The following CWC15 variants were observed in gnomAD, a reference collection of about 807,000 sequenced individuals.
CWC15 encodes the protein spliceosome-associated protein CWC15 homolog.
Under a neutral mutation model 28.4 loss-of-function variants are expected in CWC15, and 12 were observed. The observed-to-expected ratio is 0.42, with a 90% CI of 0.27 to 0.69. CWC15 has a LOEUF of 0.69. Ranked by LOEUF, CWC15 falls within the 30% of genes least tolerant of loss-of-function variation. CWC15 has a pLI of 0.23. For missense variants in CWC15, 192 were observed against 271.5 expected, an observed-to-expected ratio of 0.71 and a Z score of 2.06; for synonymous variants, 92 against 88.4, an observed-to-expected ratio of 1.04 and a Z score of -0.23.
At chr11:94,964,594 C>T (rs782605304) in intron 6 of CWC15, among the ~76,000 whole-genome samples, 18 of 152,202 alleles carry the variant, frequency 1.2e-4, no homozygotes, top group African/African-American at 1.7e-4. Context: ...TTTTGTCCCT[C>T]CTTCCCAACA....
chr11:94,968,234 T>C (rs1446380272), intron 5 of CWC15, among the ~76,000 whole-genome samples: 3 of 152,202 alleles, frequency 2.0e-5, no homozygotes, highest in Non-Finnish European at 4.4e-5. Context: ...AGAGGCTCCA[T>C]GACCAGCCAG....
At chr11:94,973,103 C>A (rs1208605113) in intron 1 of CWC15, among the ~76,000 whole-genome samples, 9 of 151,306 alleles carry the variant, frequency 5.9e-5, no homozygotes, top group Admixed American at 5.9e-4. Context: ...GACATGTATA[C>A]AAAGAAGAAA....
Position 94,962,686 on chromosome 11 carries a change from G to A in CWC15, c.*699C>T, listed in dbSNP as rs1857584923. 1 of 152,208 alleles carries A rather than the reference G, an allele frequency of 6.6e-6. No individual in the cohort carries two copies. The allele number at this position is 152,208 out of a possible 1,614,324, so 9.4% of individuals were successfully genotyped here. A position where few individuals can be genotyped will look rare whatever the true frequency, so the allele number is the denominator to read the frequency against. On this transcript the variant is annotated 3_prime_UTR_variant, in exon 7 of 7. Coordinates refer to ENST00000279839, the MANE Select transcript of CWC15 (RefSeq NM_016403.4). ...TTCTCAGGCTTTGCACTAAATGCAT[G>A]TCAGGTGCATATTCAATCTCTTTCA... is the stretch of plus-strand genomic sequence containing the variant.
rs587692164 is a variant in CWC15, at chr11:94,972,207, T to C, written c.-8-14A>G. ...TCATCTTTTATGCTTTGAAGAAAAA[T>C]ATAATCAAGTTATTTCCAACATTAC... On this transcript the variant is annotated splice_polypyrimidine_tract_variant and intron_variant, in intron 1 of 6. Coordinates refer to ENST00000279839, the MANE Select transcript of CWC15 (RefSeq NM_016403.4). 6.2e-6 allele frequency: 10 copies of C among 1,608,260 alleles called. No homozygotes were observed. The East Asian group carries it at 2.0e-4, about 32-fold the overall frequency.
chr11:94,963,575 A>G (rs111433207), intron 6 of CWC15, 61 bp from the exon 7 acceptor site: 8 of 1,452,730 alleles, frequency 5.5e-6, no homozygotes, highest in Non-Finnish European at 7.4e-6. Flanking sequence ...CAAGAATACT[A>G]CATGCACTGC....
At chr11:94,970,796 AC>A in intron 4 of CWC15, 180 bp downstream of exon 4, 1 of 592,408 alleles carries the variant, frequency 1.7e-6, no homozygotes, top group East Asian at 2.9e-5. Context: ...TTAAAGTCCC[AC>A]AAAATAATAC....
At chr11:94,970,135 A>T in intron 4 of CWC15, 39 bp from the exon 5 acceptor site, 1 of 1,057,362 alleles carries the variant, frequency 9.5e-7, no homozygotes, top group African/African-American at 1.6e-5. Context: ...TGGAGGGAAA[A>T]TACACACTAC....
In CWC15 at chr11:94,970,023, AT is replaced by A; in HGVS notation, c.406del (p.Ile136LeufsTer29). On this transcript the variant is annotated frameshift_variant, in exon 5 of 7. Transcript: ENST00000279839. LOFTEE classifies it high-confidence loss of function. ...CTGCTCTTCAGCTCTTTCTTTTTTA[AT>A]TTTTTCCAGTTCTGCAAGAAGAGCT... ...TAALLAELEK[I>X]KKERAEEQAR... 6.4e-7 allele frequency: 1 copy of A among 1,570,806 alleles called. No individual in the cohort carries two copies. The highest frequency in any genetic ancestry group is 1.4e-5 in the African/African-American group (1 of 73,926).
At chr11:94,966,944 T>C (rs1332443325) in intron 5 of CWC15, among the ~76,000 whole-genome samples, 2 of 152,178 alleles carry the variant, frequency 1.3e-5, no homozygotes, top group Admixed American at 1.3e-4. Flanking sequence ...AAGTAACTCC[T>C]AAAATAGGAC....
intron 4 of CWC15, 97 bp from the exon 5 acceptor site, chr11:94,970,193 C>T: frequency 4.1e-6 from 2 of 489,250 alleles, no homozygotes; most frequent in Non-Finnish European, 6.7e-6. Flanking sequence ...AAAGTCAAAA[C>T]AATTTTATGT....
chr11:94,971,778 G>A (rs1287443508), intron 2 of CWC15, among the ~76,000 whole-genome samples: 1 of 152,128 alleles, frequency 6.6e-6, no homozygotes, highest in Non-Finnish European at 1.5e-5. Flanking sequence ...GAACTTAACA[G>A]TAATACTTTT....
At chr11:94,970,559 C>CTA (rs1555096016) in intron 4 of CWC15, 1 of 180,740 alleles carries the variant, frequency 5.5e-6, no homozygotes, top group African/African-American at 2.4e-5. Flanking sequence ...ACAGAGGGAA[C>CTA]CATTAAGTGT....
At position 94,963,350 on chromosome 11, in the gene CWC15, G is replaced by A. The variant is rs369058315; in HGVS notation, c.*35C>T. 1.9e-5 allele frequency: 28 copies of A among 1,490,968 alleles called. No individual in the cohort carries two copies. The highest frequency in any genetic ancestry group is 3.5e-4 in the Middle Eastern group (2 of 5,720). 92.4% of individuals were successfully genotyped at this position (1,490,968 alleles called of 1,614,324 possible). On this transcript the variant is annotated 3_prime_UTR_variant, in exon 7 of 7. Coordinates refer to ENST00000279839, the MANE Select transcript of CWC15 (RefSeq NM_016403.4). ...AAAAAAAGTCAGAATGATCCTTTAC[G>A]TTTTACAGTCTTTAATTAAGCACAT...
chr11:94,972,063 T>C lies in CWC15; in HGVS notation c.123A>G (p.Ile41Met). 5 of 1,610,864 alleles carry C rather than the reference T, an allele frequency of 3.1e-6. No homozygotes were observed. Among genetic ancestry groups the C allele is most frequent in the Non-Finnish European group, 4.2e-6 (5 of 1,178,986 alleles). Residue 41 changes from isoleucine to methionine, a missense_variant, in exon 2 of 7, where the codon ATA becomes ATG. By Grantham distance (10) the Ile-to-Met change is conservative. Coordinates refer to ENST00000279839, the MANE Select transcript of CWC15 (RefSeq NM_016403.4). ...AAAGAAAGTCTTACTACCTGTATTTTATCTTTGTATGAGAGGGTAGGTCTC... is the reference window on the plus strand; with the variant it reads ...AAAGAAAGTCTTACTACCTGTATTTCATCTTTGTATGAGAGGGTAGGTCTC... ...SSRDLPSHTK[I>M]KYRQTTQDAP...
chr11:94,970,044 A>C lies in CWC15; in HGVS notation c.386T>G (p.Leu129Arg). The change falls in exon 5 of 7, where the codon CTT becomes CGT. Residue 129 changes from leucine (L) to arginine (R), a missense_variant. Leu to Arg is a moderately radical substitution (Grantham distance 102). Around this residue, in one of 2 missense-constraint regions of CWC15, gnomAD observed 188 missense variants for 250.3 expected, o/e 0.75. Transcript: ENST00000279839. ...TTTAATTTTTTCCAGTTCTGCAAGAAGAGCTGCAGTATCATCATCATCACT... is the reference window on the plus strand; with the variant it reads ...TTTAATTTTTTCCAGTTCTGCAAGACGAGCTGCAGTATCATCATCATCACT... ...EESDDDDTAA[L>R]LAELEKIKKE... The C allele has an allele frequency of 6.3e-7, 1 of 1,576,250 alleles. No individual in the cohort carries two copies. Among genetic ancestry groups the C allele is most frequent in the Non-Finnish European group, 8.6e-7 (1 of 1,159,932 alleles).
intron 5 of CWC15, among the ~76,000 whole-genome samples, chr11:94,969,610 CTGAT>C (rs1216646946): frequency 2.6e-5 from 4 of 152,176 alleles, no homozygotes; most frequent in African/African-American, 9.7e-5. Context: ...TATCTACTGA[CTGAT>C]TGCCTTAATA....
At chr11:94,967,051 CTT>C (rs55894842) in intron 5 of CWC15, among the ~76,000 whole-genome samples, 3 of 142,974 alleles carry the variant, frequency 2.1e-5, no homozygotes, top group Non-Finnish European at 1.5e-5. Flanking sequence ...CTGAGTTTTT[CTT>C]TTTTTTTTTT....
chr11:94,964,888 C>T lies in CWC15; in HGVS notation c.561-1374G>A, dbSNP rs145179968. On this transcript the variant is annotated intron_variant, in intron 6 of 6. Transcript: ENST00000279839. ...ACTTCTCCTCTCTAGCTATACCCTT[C>T]CCTAGGTGACTTCATCCTGTCTTAT... Among the ~76,000 whole-genome samples, 446 of 152,356 alleles carry T rather than the reference C, an allele frequency of 2.9e-3. 2 individuals are homozygous for T. Among genetic ancestry groups the T allele is most frequent in the African/African-American group, 9.6e-3 (399 of 41,572 alleles).
Position 94,963,342 on chromosome 11 carries a change from T to G in CWC15, c.*43A>C. On this transcript the variant is annotated 3_prime_UTR_variant, in exon 7 of 7. Transcript: ENST00000279839. ...AAACTCATAAAAAAAGTCAGAATGA[T>G]CCTTTACGTTTTACAGTCTTTAATT... The G allele has an allele frequency of 6.9e-7, 1 of 1,454,326 alleles. No individual in the cohort carries two copies. The highest frequency in any genetic ancestry group is 9.2e-7 in the Non-Finnish European group (1 of 1,091,540). The allele number at this position is 1,454,326 out of a possible 1,614,324, so 90.1% of individuals were successfully genotyped here.
Sources: allele counts gnomAD v4.1 joint callset (sites outside exome capture counted in the v4.1 genomes callset), GRCh38; gene constraint gnomAD v4.1.1; regional missense constraint gnomAD v4.1.1; transcripts MANE v1.5; gene names NCBI Gene and HGNC (gene_info 2026-07-23, HGNC 2026-07-21).